The following FAM151B variants were observed in gnomAD, a reference collection of about 807,000 sequenced individuals.
FAM151B encodes family with sequence similarity 151 member B, also known as protein FAM151B.
Under a neutral mutation model 31.2 loss-of-function variants are expected in FAM151B, and 24 were observed. The observed-to-expected ratio is 0.77, with a 90% confidence interval of 0.56 to 1.08. The LOEUF is 1.08. Ranked by LOEUF, FAM151B falls within the 50% of genes least tolerant of loss-of-function variation. The probability of loss-of-function intolerance (pLI) is 0.00; values close to 1 mark genes in which losing one functional copy is unlikely to be tolerated. For synonymous variants in FAM151B, 105 were observed against 111.4 expected (o/e 0.94, Z 0.36); for missense variants, 293 against 328.6 (o/e 0.89, Z 0.84).
At chr5:80,497,023 C>G (rs1743567384) in intron 1 of FAM151B, among the ~76,000 whole-genome samples, 1 of 151,828 alleles carries the variant, frequency 6.6e-6, no homozygotes, top group Non-Finnish European at 1.5e-5. Context: ...ATTGGCCAGG[C>G]TGGTCTCGAA....
intron 5 of FAM151B, among the ~76,000 whole-genome samples, chr5:80,531,006 C>G (rs1561378625): frequency 6.6e-6 from 1 of 152,070 alleles, no homozygotes; most frequent in Non-Finnish European, 1.5e-5. Flanking sequence ...GCTGCAGTAA[C>G]CAAAACAGCA....
At chr5:80,539,025 G>T in intron 5 of FAM151B, among the ~76,000 whole-genome samples, 1 of 136,336 alleles carries the variant, frequency 7.3e-6, no homozygotes, top group South Asian at 2.3e-4. Context: ...AATACATGGT[G>T]GAGCTCTTTC....
chr5:80,518,707 G>C (rs1006793782), intron 3 of FAM151B: 3 of 152,170 alleles, frequency 2.0e-5, no homozygotes, highest in Non-Finnish European at 4.4e-5. Flanking sequence ...TAGTATCCTT[G>C]CTCACTGGTA....
At chr5:80,531,941 T>C (rs575732383) in intron 5 of FAM151B, among the ~76,000 whole-genome samples, 31 of 152,244 alleles carry the variant, frequency 2.0e-4, no homozygotes, top group Non-Finnish European at 3.5e-4. Flanking sequence ...TGGACACATA[T>C]GTTTATTGTG....
chr5:80,520,318 C>T (rs1744643478), intron 4 of FAM151B, among the ~76,000 whole-genome samples: 1 of 151,942 alleles, frequency 6.6e-6, no homozygotes, highest in African/African-American at 2.4e-5. Flanking sequence ...TTTTTTACAA[C>T]TTGCTTTTGA....
chr5:80,494,500 C>CT (rs1434557237), intron 1 of FAM151B, among the ~76,000 whole-genome samples: 1 of 141,324 alleles, frequency 7.1e-6, no homozygotes, highest in Admixed American at 7.0e-5. Flanking sequence ...TTCTTTCTTT[C>CT]TTTCTTTCTT....
chr5:80,535,711 A>G (rs527904084), intron 5 of FAM151B, among the ~76,000 whole-genome samples: 1 of 152,320 alleles, frequency 6.6e-6, no homozygotes, highest in East Asian at 1.9e-4. Flanking sequence ...CCCACAAGCA[A>G]GGCAGCCAAA....
intron 1 of FAM151B, among the ~76,000 whole-genome samples, chr5:80,496,395 T>G (rs1338949167): frequency 2.0e-5 from 3 of 152,230 alleles, no homozygotes; most frequent in African/African-American, 4.8e-5. Flanking sequence ...GCACATTTTT[T>G]TAGACATAAT....
chr5:80,509,129 A>G (rs1744091431), intron 2 of FAM151B, among the ~76,000 whole-genome samples: 1 of 151,494 alleles, frequency 6.6e-6, no homozygotes, highest in African/African-American at 2.4e-5. Flanking sequence ...GTGTGCCACC[A>G]GCATGCCTGG....
chr5:80,505,205 TAG>T (rs1241908565), intron 2 of FAM151B, among the ~76,000 whole-genome samples: 2 of 152,144 alleles, frequency 1.3e-5, no homozygotes, highest in African/African-American at 4.8e-5. Context: ...TTATTTTTTG[TAG>T]AGAGTCTGGT....
chr5:80,497,439 T>TA (rs1215651299), intron 1 of FAM151B, among the ~76,000 whole-genome samples: 3 of 144,588 alleles, frequency 2.1e-5, no homozygotes, highest in Non-Finnish European at 4.6e-5. Context: ...ACAAAAACAA[T>TA]AAAAAAACTA....
At chr5:80,494,492 C>CTTTA (rs1743454097) in intron 1 of FAM151B, among the ~76,000 whole-genome samples, 1 of 143,086 alleles carries the variant, frequency 7.0e-6, no homozygotes, top group African/African-American at 2.8e-5. Context: ...TTCTTTCTTT[C>CTTTA]TTTCTTTCTT....
At position 80,522,164 on chromosome 5, in the gene FAM151B, A is replaced by T. The variant is rs775141576; in HGVS notation, c.671+26A>T. On this transcript the variant is annotated intron_variant, in intron 5 of 5. Transcript: ENST00000282226. ...GTATGTAATAGTTTAACAAATGTGT[A>T]TGTGAGTGTGTATGAGAGACAGAGA... The T allele has an allele frequency of 2.5e-6, 4 of 1,597,918 alleles. No individual in the cohort carries two copies. The South Asian group carries it at 4.5e-5, about 18-fold the overall frequency.
intron 5 of FAM151B, among the ~76,000 whole-genome samples, chr5:80,531,030 A>G (rs1254839913): frequency 1.3e-5 from 2 of 152,232 alleles, no homozygotes; most frequent in African/African-American, 4.8e-5. Flanking sequence ...TACTGGTACC[A>G]AAACAGAGAT....
intron 3 of FAM151B, among the ~76,000 whole-genome samples, chr5:80,516,642 C>T (rs1313654225): frequency 2.0e-5 from 3 of 152,164 alleles, no homozygotes; most frequent in Non-Finnish European, 4.4e-5. Flanking sequence ...CCAGGACTTT[C>T]CTCTTCGGAT....
At chr5:80,519,659 A>G (rs929691279) in intron 3 of FAM151B, 34 bp from the exon 4 acceptor site, 2 of 1,577,998 alleles carry the variant, frequency 1.3e-6, no homozygotes, top group Non-Finnish European at 1.7e-6. Flanking sequence ...TTACCTAAAG[A>G]ATCTATCTCA....
intron 5 of FAM151B, among the ~76,000 whole-genome samples, chr5:80,537,492 C>G (rs1175774132): frequency 6.6e-6 from 1 of 152,202 alleles, no homozygotes; most frequent in Non-Finnish European, 1.5e-5. Flanking sequence ...GTAGCGGAGT[C>G]TTTCCACTGG....
chr5:80,520,766 C>CT (rs571573697), intron 4 of FAM151B, among the ~76,000 whole-genome samples: 1 of 139,618 alleles, frequency 7.2e-6, no homozygotes, highest in East Asian at 2.1e-4. Context: ...TACATAGATA[C>CT]TTTTTTTTCA....
At chr5:80,504,595 A>G (rs1177250661) in intron 2 of FAM151B, among the ~76,000 whole-genome samples, 1 of 131,348 alleles carries the variant, frequency 7.6e-6, no homozygotes, top group Non-Finnish European at 1.5e-5. Context: ...ATCTATGCTC[A>G]CTGCAACCTC....
Sources: gnomAD v4.1 joint callset for allele counts (sites outside exome capture counted in the v4.1 genomes callset) on GRCh38, gnomAD v4.1.1 for gene constraint, MANE v1.5 for transcripts, NCBI Gene and HGNC (gene_info 2026-07-23, HGNC 2026-07-21) for gene names.